Variants in LVRN observed in about 807,000 individuals in gnomAD.
LVRN encodes laeverin.
LVRN carries 99 observed loss-of-function variants against 111.4 expected under a neutral mutation model. The ratio of observed to expected loss-of-function variants is 0.89; its 90% CI spans 0.76 to 1.05. The LOEUF (loss-of-function observed/expected upper bound fraction) is 1.05, where lower values mean the gene tolerates loss of function less well. Among genes scored for constraint, LVRN ranks in the 50% least tolerant of loss-of-function variants. The pLI is 0.00. For missense variants in LVRN, 1,414 were observed against 1,206.8 expected, an observed-to-expected ratio of 1.17 and a Z score of -2.54; for synonymous variants, 488 against 449.5, an observed-to-expected ratio of 1.09 and a Z score of -1.08.
At chr5:115,964,954 T>C (rs1010994884) in intron 1 of LVRN, among the ~76,000 whole-genome samples, 1 of 152,200 alleles carries the variant, frequency 6.6e-6, no homozygotes, top group Non-Finnish European at 1.5e-5. Flanking sequence ...ATGAAGAACC[T>C]GCAACAGAAG....
In LVRN at chr5:115,983,414, A is replaced by T; in HGVS notation, c.823A>T (p.Asn275Tyr). 6.2e-7 allele frequency: 1 copy of T among 1,603,458 alleles called. No individual in the cohort carries two copies. Among genetic ancestry groups the T allele is most frequent in the East Asian group, 2.2e-5 (1 of 44,822 alleles). ...IHHPSYVALS[N>Y]MPKLGQSEKE... ...TCATCCAAGTTATGTGGCCCTTTCC[A>T]ACATGCCAAAGCTAGGTAAGTAATG... The change falls in exon 2 of 20, where the codon AAC (asparagine) becomes TAC (tyrosine). Residue 275 changes from asparagine (N) to tyrosine (Y), a missense_variant. By Grantham distance (143) the Asn-to-Tyr change is moderately radical (BLOSUM62 -2). Coordinates refer to ENST00000357872, the MANE Select transcript of LVRN (RefSeq NM_173800.5).
chr5:116,015,327 G>T lies in LVRN; in HGVS notation c.2526G>T (p.Leu842Phe), dbSNP rs749424505. 6.2e-7 allele frequency: 1 copy of T among 1,612,414 alleles called. No homozygotes were observed. Among genetic ancestry groups the T allele is most frequent in the African/African-American group, 1.3e-5 (1 of 74,974 alleles). The change falls in exon 17 of 20, where the codon TTG (leucine) becomes TTT (phenylalanine). Residue 842 changes from leucine to phenylalanine, a missense_variant. By Grantham distance (22) the Leu-to-Phe change is conservative. Transcript: ENST00000357872. ...GAAGTGATAAAGAGTGGGACATCTTGTTAAATACTTACACTAATACAACAA... is the reference window on the plus strand; with the variant it reads ...GAAGTGATAAAGAGTGGGACATCTTTTTAAATACTTACACTAATACAACAA... ...ALGSDKEWDI[L>F]LNTYTNTTNK...
chr5:116,017,881 T>C (rs1748635015), intron 18 of LVRN, among the ~76,000 whole-genome samples: 1 of 152,238 alleles, frequency 6.6e-6, no homozygotes, highest in African/African-American at 2.4e-5. Context: ...ATTGTCAGTT[T>C]CTATTTTTAT....
In LVRN at chr5:115,983,299, G is replaced by A. The variant is rs115691811; in HGVS notation, c.708G>A (p.Ala236=). ...TDQGERRALL[A]SQLEPTFARY... ...AAATGTATTTCAGGGCCCTGTTAGCGTCCCAGCTGGAACCAACATTTGCCA... is the reference window on the plus strand; with the variant it reads ...AAATGTATTTCAGGGCCCTGTTAGCATCCCAGCTGGAACCAACATTTGCCA... Residue 236 remains alanine (A), a synonymous_variant, in exon 2 of 20, where the codon GCG becomes GCA. Transcript: ENST00000357872. The A allele has an allele frequency of 9.8e-4, 1,566 of 1,591,102 alleles. 14 individuals are homozygous for A. The African/African-American group carries it at 0.018, about 19-fold the overall frequency.
In LVRN at chr5:116,025,841, C is replaced by A; in HGVS notation, c.2833-137C>A. ...CACAGTCTCCCCAGGGACACACAAC[C>A]TAGGAGTATACATTTCTACTCATTC... is the stretch of plus-strand genomic sequence containing the variant. On this transcript the variant is annotated intron_variant, in intron 19 of 19. Coordinates refer to ENST00000357872, the MANE Select transcript of LVRN (RefSeq NM_173800.5). The A allele has an allele frequency of 2.8e-6, 3 of 1,089,848 alleles. No homozygotes were observed. In the South Asian group the frequency reaches 4.7e-5, roughly 17 times the overall value. 67.5% of individuals were successfully genotyped at this position (1,089,848 alleles called of 1,614,324 possible).
At chr5:115,978,234 C>T (rs1323511460) in intron 1 of LVRN, among the ~76,000 whole-genome samples, 2 of 152,126 alleles carry the variant, frequency 1.3e-5, no homozygotes, top group Non-Finnish European at 2.9e-5. Flanking sequence ...ACACATGATG[C>T]TGGTGTCACA....
intron 1 of LVRN, among the ~76,000 whole-genome samples, chr5:115,965,129 AG>A (rs1237810038): frequency 6.6e-6 from 1 of 152,188 alleles, no homozygotes; most frequent in African/African-American, 2.4e-5. Context: ...TAAATGAAAA[AG>A]GGAGTACACA....
At chr5:115,979,333 A>G (rs1468141642) in intron 1 of LVRN, among the ~76,000 whole-genome samples, 1 of 152,156 alleles carries the variant, frequency 6.6e-6, no homozygotes, top group East Asian at 1.9e-4. Context: ...GCCTCAGGAA[A>G]CACTTTCACT....
intron 1 of LVRN, chr5:115,975,023 TA>T (rs1315885240): frequency 2.9e-6 from 1 of 346,400 alleles, no homozygotes; most frequent in East Asian, 7.4e-5. Flanking sequence ...ACTTTGGATA[TA>T]AATTCATTTT....
chr5:115,972,034 G>A (rs1338502072), intron 1 of LVRN, among the ~76,000 whole-genome samples: 3 of 151,992 alleles, frequency 2.0e-5, no homozygotes, highest in East Asian at 1.9e-4. Flanking sequence ...AGGAATATTC[G>A]TGTATAAGCC....
In LVRN at chr5:115,994,339, C is replaced by A. The variant is rs542616552; in HGVS notation, c.1374+485C>A. On this transcript the variant is annotated intron_variant, in intron 6 of 19. Transcript: ENST00000357872. Reference sequence around the variant, plus strand: ...CCAAACTGGAGTGTGGTGGCATGATCTTGACTCAATGCAGTCTCGACCTCC... The same window carrying A: ...CCAAACTGGAGTGTGGTGGCATGATATTGACTCAATGCAGTCTCGACCTCC... Among the ~76,000 whole-genome samples the A allele has an allele frequency of 7.9e-5, 12 of 152,220 alleles. No homozygotes were observed. In the South Asian group the frequency reaches 1.9e-3, roughly 24 times the overall value.
intron 13 of LVRN, among the ~76,000 whole-genome samples, chr5:116,010,120 C>T (rs1748454729): frequency 6.6e-6 from 1 of 152,198 alleles, no homozygotes; most frequent in African/African-American, 2.4e-5. Context: ...TTATGACTTG[C>T]TGAAGGCTCA....
Position 115,963,102 on chromosome 5 carries a change from T to C in LVRN, c.485T>C (p.Leu162Pro). The C allele has an allele frequency of 6.2e-7, 1 of 1,613,612 alleles. No homozygotes were observed. The highest frequency in any genetic ancestry group is 8.5e-7 in the Non-Finnish European group (1 of 1,179,952). ...DCERAEVRGP[L>P]SPGTGNATVG... ...GAGCGCGCCGAGGTGCGGGGACCCC[T>C]TTCCCCGGGCACTGGGAACGCCACA... Residue 162 changes from leucine (L) to proline (P), a missense_variant, in exon 1 of 20, where the codon CTT (leucine) becomes CCT (proline). By Grantham distance (98) the Leu-to-Pro change is moderately conservative. Coordinates refer to ENST00000357872, the MANE Select transcript of LVRN (RefSeq NM_173800.5).
At chr5:115,974,234 A>T (rs1303847298) in intron 1 of LVRN, among the ~76,000 whole-genome samples, 1 of 152,228 alleles carries the variant, frequency 6.6e-6, no homozygotes, top group Admixed American at 6.5e-5. Context: ...TGCCAGATCA[A>T]AAGGCTTATG....
chr5:115,984,575 T>C lies in LVRN; in HGVS notation c.844T>C (p.Ser282Pro). ...ALSNMPKLGQ[S>P]EKEDVNGSKW... ...ACTAAAATAAAATTCTCTAGGTCAG[T>C]CTGAAAAAGAAGATGTGAATGGAAG... The change falls in exon 3 of 20, where the codon TCT becomes CCT. Residue 282 changes from serine (S) to proline (P), a missense_variant. Ser to Pro is a moderately conservative substitution (Grantham distance 74). Coordinates refer to ENST00000357872, the MANE Select transcript of LVRN (RefSeq NM_173800.5). The C allele has an allele frequency of 1.2e-6, 2 of 1,613,258 alleles. No individual in the cohort carries two copies. The highest frequency in any genetic ancestry group is 1.7e-6 in the Non-Finnish European group (2 of 1,179,568).
intron 1 of LVRN, among the ~76,000 whole-genome samples, chr5:115,972,121 T>A (rs1753339942): frequency 6.6e-6 from 1 of 152,090 alleles, no homozygotes; most frequent in Non-Finnish European, 1.5e-5. Context: ...GGATAGACAA[T>A]GTTTTCACAG....
chr5:115,974,706 G>A (rs906086749), intron 1 of LVRN: 2 of 173,608 alleles, frequency 1.2e-5, no homozygotes, highest in African/African-American at 4.8e-5. Context: ...AGTCCTTCCA[G>A]CTCTTCCTGT....
chr5:115,975,161 C>A, intron 1 of LVRN: 1 of 452,580 alleles, frequency 2.2e-6, no homozygotes. Context: ...TGAATATGGC[C>A]AAGTTGCCTG....
At chr5:116,024,794 AT>A (rs1174823294) in intron 19 of LVRN, among the ~76,000 whole-genome samples, 1 of 152,228 alleles carries the variant, frequency 6.6e-6, no homozygotes, top group Admixed American at 6.5e-5. Context: ...ATTTAAAAAA[AT>A]ATATGAATTA....
Sources: allele counts gnomAD v4.1 joint callset (sites outside exome capture counted in the v4.1 genomes callset), GRCh38; gene constraint gnomAD v4.1.1; transcripts MANE v1.5; gene names NCBI Gene and HGNC (gene_info 2026-07-23, HGNC 2026-07-21).